Variants in ZER1 observed in about 807,000 individuals in gnomAD.
The protein encoded by ZER1 is zyg-11 related cell cycle regulator.
ZER1 carries 11 observed loss-of-function variants against 78.8 expected under a neutral mutation model. The ratio of observed to expected loss-of-function variants is 0.14; its 90% CI spans 0.09 to 0.23. The LOEUF is 0.23. Among genes scored for constraint, ZER1 ranks in the 10% least tolerant of loss-of-function variants. The pLI is 1.00. For synonymous variants in ZER1, 400 were observed against 407.0 expected, an observed-to-expected ratio of 0.98 and a Z score of 0.21; for missense variants, 588 against 996.9, an observed-to-expected ratio of 0.59 and a Z score of 5.52.
chr9:128,753,639 G>A lies in ZER1; in HGVS notation c.310-39C>T, dbSNP rs771535659. ...CAGCTCCATCATCATCACCACCCTTGCCCCTTCCCCCGGCCCCAGGCCTTG... is the reference window on the plus strand; with the variant it reads ...CAGCTCCATCATCATCACCACCCTTACCCCTTCCCCCGGCCCCAGGCCTTG... On this transcript the variant is annotated intron_variant, in intron 3 of 15. Transcript: ENST00000291900. The surrounding 1 kb of genome is among the most constrained non-coding windows in gnomAD (Gnocchi z 7.5). 6.3e-7 allele frequency: 1 copy of A among 1,599,718 alleles called. No homozygotes were observed. Among genetic ancestry groups the A allele is most frequent in the Admixed American group, 1.7e-5 (1 of 59,374 alleles).
intron 13 of ZER1, 152 bp from the exon 14 acceptor site, chr9:128,735,583 C>T: frequency 1.4e-6 from 1 of 725,498 alleles, no homozygotes; most frequent in African/African-American, 1.8e-5. Context: ...CCCTGCATCC[C>T]ACTGGCAGGC....
At chr9:128,736,946 C>A (rs1181383542) in intron 13 of ZER1, among the ~76,000 whole-genome samples, 1 of 151,926 alleles carries the variant, frequency 6.6e-6, no homozygotes, top group Non-Finnish European at 1.5e-5. Context: ...GAGTTTGAGA[C>A]CAACCTGGGC....
intron 14 of ZER1, among the ~76,000 whole-genome samples, chr9:128,734,165 AATCTT>A (rs1862969149): frequency 1.4e-5 from 1 of 69,028 alleles, no homozygotes; most frequent in African/African-American, 3.9e-5. Flanking sequence ...ATATATATAA[AATCTT>A]AAAAAAAATA....
intron 8 of ZER1, among the ~76,000 whole-genome samples, chr9:128,747,652 C>T (rs1400004853): frequency 1.3e-5 from 2 of 152,142 alleles, no homozygotes; most frequent in East Asian, 3.8e-4. Flanking sequence ...CTTGCTTCGT[C>T]ACCCAGACTG....
intron 1 of ZER1, among the ~76,000 whole-genome samples, chr9:128,756,637 T>A (rs1313786507): frequency 1.3e-5 from 2 of 151,668 alleles, no homozygotes; most frequent in Non-Finnish European, 2.9e-5. Flanking sequence ...GAAATCAGTT[T>A]AAAAAAAAAG....
rs751434921 is a variant in ZER1, at chr9:128,742,659, C to T, written c.1446G>A (p.Leu482=). Reference sequence around the variant, plus strand: ...GCCGCGTGGGGTTGAGGATGCTGAGCAGGAGCTCGTTGACCCGGCGGTACT... The same window carrying T: ...GCCGCGTGGGGTTGAGGATGCTGAGTAGGAGCTCGTTGACCCGGCGGTACT... ...EFQYRRVNEL[L]LSILNPTRQD... is the part of the protein sequence containing the mutation. Residue 482 remains leucine, a synonymous_variant, in exon 9 of 16, where the codon CTG becomes CTA. Transcript: ENST00000291900. 7 of 1,614,116 alleles carry T rather than the reference C, an allele frequency of 4.3e-6. No homozygotes were observed. The East Asian group carries it at 1.6e-4, about 36-fold the overall frequency.
At chr9:128,770,070 T>C (rs1864335392) in intron 1 of ZER1, among the ~76,000 whole-genome samples, 1 of 152,150 alleles carries the variant, frequency 6.6e-6, no homozygotes, top group Non-Finnish European at 1.5e-5. Flanking sequence ...CTGACTTTCT[T>C]GCCAACCACT....
chr9:128,742,701 G>T lies in ZER1; in HGVS notation c.1404C>A (p.Pro468=), dbSNP rs149251289. ...CCLTLCNFSI[P]EELEFQYRRV... ...GGCGGTACTGGAATTCCAGCTCCTCGGGGATGCTGAAGTTGCAGAGCGTCA... is the reference window on the plus strand; with the variant it reads ...GGCGGTACTGGAATTCCAGCTCCTCTGGGATGCTGAAGTTGCAGAGCGTCA... Residue 468 remains proline (P), a synonymous_variant, in exon 9 of 16, where the codon CCC becomes CCA. Coordinates refer to ENST00000291900, the MANE Select transcript of ZER1 (RefSeq NM_006336.4). 39 of 1,613,776 alleles carry T rather than the reference G, an allele frequency of 2.4e-5. No individual in the cohort carries two copies. The African/African-American group carries it at 4.9e-4, about 20-fold the overall frequency.
intron 13 of ZER1, among the ~76,000 whole-genome samples, chr9:128,739,098 C>A (rs1361900031): frequency 4.6e-5 from 7 of 151,888 alleles, no homozygotes; most frequent in Admixed American, 4.6e-4. Flanking sequence ...GATCTGCCCG[C>A]CTCAGCCTCC....
At chr9:128,762,290 C>T (rs1305386807) in intron 1 of ZER1, among the ~76,000 whole-genome samples, 9 of 152,220 alleles carry the variant, frequency 5.9e-5, no homozygotes, top group Non-Finnish European at 4.4e-5. Flanking sequence ...TCCCTCTGTG[C>T]CCATTTGTAA....
rs770929716 is a variant in ZER1 at position 128,751,547 on chromosome 9, G to T, written c.924-20C>A. 1.2e-6 allele frequency: 2 copies of T among 1,606,616 alleles called. No individual in the cohort carries two copies. The highest frequency in any genetic ancestry group is 1.3e-5 in the African/African-American group (1 of 74,822). ...TCAATGCTGGGGAAAGAGGGTGCCG[G>T]TGTCAGTGGCTTGGGACCCAGGCCT... On this transcript the variant is annotated intron_variant, in intron 5 of 15. Coordinates refer to ENST00000291900, the MANE Select transcript of ZER1 (RefSeq NM_006336.4). This position sits in a 1 kb window ranked among gnomAD's most constrained non-coding sequence, Gnocchi z 5.4.
rs987896854 is a variant in ZER1 at position 128,755,728 on chromosome 9, C to T, written c.-94-69G>A. On this transcript the variant is annotated intron_variant, in intron 1 of 15. Transcript: ENST00000291900. The surrounding 1 kb of genome is among the most constrained non-coding windows in gnomAD (Gnocchi z 5.6). ...AGAACTATCAGTGGTCCCATGTCCA[C>T]GCTCTGAGTAGGGAAACTGAGACCA... is the stretch of plus-strand genomic sequence containing the variant. 26 of 903,542 alleles carry T rather than the reference C, an allele frequency of 2.9e-5. No individual in the cohort carries two copies. The Admixed American group carries it at 3.1e-4, about 11-fold the overall frequency. The allele number at this position is 903,542 out of a possible 1,614,324, so 56.0% of individuals were successfully genotyped here.
chr9:128,766,265 C>A (rs1369856443), intron 1 of ZER1, among the ~76,000 whole-genome samples: 3 of 149,022 alleles, frequency 2.0e-5, no homozygotes, highest in African/African-American at 7.5e-5. Flanking sequence ...AGGAGAATTG[C>A]TTGAACCCGG....
In ZER1 at chr9:128,731,151, AAT is replaced by A. The variant is rs932193386; in HGVS notation, c.*184_*185del. 51 of 245,382 alleles carry A rather than the reference AAT, an allele frequency of 2.1e-4. No homozygotes were observed. Among genetic ancestry groups the A allele is most frequent in the Admixed American group, 3.2e-4 (6 of 18,462 alleles). 15.2% of individuals were successfully genotyped at this position (245,382 alleles called of 1,614,324 possible). A position where few individuals can be genotyped will look rare whatever the true frequency, so the allele number is the denominator to read the frequency against. On this transcript the variant is annotated 3_prime_UTR_variant, in exon 16 of 16. Coordinates refer to ENST00000291900, the MANE Select transcript of ZER1 (RefSeq NM_006336.4). ...CTTCACACTTCCTAACCAAAAAAAA[AAT>A]ATATATATATAATATATATATATCT...
chr9:128,769,495 C>T (rs771887123), intron 1 of ZER1, among the ~76,000 whole-genome samples: 2 of 151,866 alleles, frequency 1.3e-5, no homozygotes, highest in Non-Finnish European at 2.9e-5. Flanking sequence ...CTCACTTCAA[C>T]CTCCACCTCC....
At chr9:128,762,111 CTT>C (rs35347894) in intron 1 of ZER1, among the ~76,000 whole-genome samples, 15 of 144,406 alleles carry the variant, frequency 1.0e-4, no homozygotes, top group African/African-American at 1.0e-4. Flanking sequence ...CATTTATGGA[CTT>C]TTTTTTTTTT....
At chr9:128,764,116 G>A (rs965547087) in intron 1 of ZER1, among the ~76,000 whole-genome samples, 1 of 152,116 alleles carries the variant, frequency 6.6e-6, no homozygotes, top group Non-Finnish European at 1.5e-5. Flanking sequence ...AAGGAGAGGG[G>A]GTGCATGGGA....
rs1345636188 is a variant in ZER1, at chr9:128,753,496, G to C, written c.414C>G (p.Gly138=). 6.2e-7 allele frequency: 1 copy of C among 1,614,136 alleles called. No individual in the cohort carries two copies. Among genetic ancestry groups the C allele is most frequent in the Non-Finnish European group, 8.5e-7 (1 of 1,180,022 alleles). Residue 138 remains glycine (G), a synonymous_variant, in exon 4 of 16, where the codon GGC becomes GGG. Transcript: ENST00000291900. The surrounding 1 kb of genome is among the most constrained non-coding windows in gnomAD (Gnocchi z 7.5). The part of the protein sequence containing the change: ...SHTLVSLSLF[G]CTNIFYEEEN... ...CCTCCTCATAGAAAATGTTTGTACAGCCGAAGAGGCTCAAGGACACCAGGG... is the reference window on the plus strand; with the variant it reads ...CCTCCTCATAGAAAATGTTTGTACACCCGAAGAGGCTCAAGGACACCAGGG...
chr9:128,731,289 C>G lies in ZER1; in HGVS notation c.*48G>C. On this transcript the variant is annotated 3_prime_UTR_variant, in exon 16 of 16. Coordinates refer to ENST00000291900, the MANE Select transcript of ZER1 (RefSeq NM_006336.4). ...CCGCTGGGCTGCTTGAGCATGCTTC[C>G]TCCCCGCCTGTGGTCCAGAGCGGTG... is the stretch of plus-strand genomic sequence containing the variant. 1 of 1,596,976 alleles carries G rather than the reference C, an allele frequency of 6.3e-7. No homozygotes were observed. Among genetic ancestry groups the G allele is most frequent in the Non-Finnish European group, 8.6e-7 (1 of 1,167,928 alleles).
Sources: gnomAD v4.1 joint callset for allele counts (sites outside exome capture counted in the v4.1 genomes callset) on GRCh38, gnomAD v4.1.1 for gene constraint, Gnocchi (gnomAD v3.1) non-coding constraint, MANE v1.5 for transcripts, NCBI Gene and HGNC (gene_info 2026-07-23, HGNC 2026-07-21) for gene names.